CDKAL1: variants seen among roughly 807,000 people sequenced by gnomAD.
CDKAL1 encodes CDKAL1 threonylcarbamoyladenosine tRNA methylthiotransferase.
A neutral mutation model predicts 68.2 loss-of-function variants in CDKAL1; 32 were observed. The observed-to-expected ratio is 0.47, with a 90% CI of 0.35 to 0.63. The LOEUF (loss-of-function observed/expected upper bound fraction) is 0.63. CDKAL1 is among the 30% of genes least tolerant of loss of function. The probability of loss-of-function intolerance (pLI) is 0.00; values close to 1 mark genes in which losing one functional copy is unlikely to be tolerated. For missense variants in CDKAL1, 606 were observed against 696.7 expected, an observed-to-expected ratio of 0.87 and a Z score of 1.47; for synonymous variants, 234 against 244.3, an observed-to-expected ratio of 0.96 and a Z score of 0.39.
chr6:21,174,596 A>G (rs1777509482), intron 13 of CDKAL1, among the ~76,000 whole-genome samples: 1 of 152,214 alleles, frequency 6.6e-6, no homozygotes, highest in South Asian at 2.1e-4. Context: ...CAACAATTAA[A>G]AAATGTTATA....
intron 11 of CDKAL1, among the ~76,000 whole-genome samples, chr6:21,031,278 T>C (rs1473601508): frequency 1.3e-5 from 2 of 151,638 alleles, no homozygotes; most frequent in South Asian, 2.1e-4. Flanking sequence ...ACAACATGGG[T>C]GTCTGCTTTC....
chr6:20,607,362 T>A (rs943883282), intron 4 of CDKAL1, among the ~76,000 whole-genome samples: 2 of 152,240 alleles, frequency 1.3e-5, no homozygotes, highest in African/African-American at 4.8e-5. Context: ...ATATTTTAAT[T>A]AATTACACAT....
chr6:20,570,722 A>C (rs548710396), intron 4 of CDKAL1, among the ~76,000 whole-genome samples: 1 of 152,322 alleles, frequency 6.6e-6, no homozygotes. Flanking sequence ...TATCTGCTGC[A>C]AGTTAAAAGA....
chr6:20,779,813 G>A lies in CDKAL1; in HGVS notation c.518-1332G>A, dbSNP rs554025057. The stretch of plus-strand genomic sequence containing the variant: ...CTGGTTGGGCTGGTCTGCCTGCCTT[G>A]GCCTCCCAAAGTGCTGGGATTACAG... On this transcript the variant is annotated intron_variant, in intron 7 of 15. Coordinates refer to ENST00000274695, the MANE Select transcript of CDKAL1 (RefSeq NM_017774.3). Among the ~76,000 whole-genome samples, 82 of 152,200 alleles carry A rather than the reference G, an allele frequency of 5.4e-4. 1 individual carries two copies. In the Middle Eastern group the frequency reaches 0.017, roughly 32 times the overall value.
intron 9 of CDKAL1, among the ~76,000 whole-genome samples, chr6:20,877,516 C>T (rs1760582786): frequency 6.6e-6 from 1 of 152,210 alleles, no homozygotes; most frequent in South Asian, 2.1e-4. Context: ...GAGGTCACTG[C>T]CCTGGGGCTG....
At chr6:20,849,096 A>T (rs929742010) in intron 9 of CDKAL1, among the ~76,000 whole-genome samples, 3 of 151,034 alleles carry the variant, frequency 2.0e-5, no homozygotes, top group African/African-American at 7.4e-5. Flanking sequence ...GGAAAATTTT[A>T]AGTCCTCAAG....
chr6:21,056,084 T>C (rs1362209843), intron 11 of CDKAL1, among the ~76,000 whole-genome samples: 1 of 152,206 alleles, frequency 6.6e-6, no homozygotes, highest in African/African-American at 2.4e-5. Flanking sequence ...TGAGATGGTA[T>C]GTCATTGTGG....
chr6:21,029,829 A>G (rs145338915), intron 11 of CDKAL1, among the ~76,000 whole-genome samples: 1,535 of 152,294 alleles, frequency 0.01, 26 homozygotes, highest in African/African-American at 0.035. Flanking sequence ...TCAAGAAACA[A>G]TAGATGCTGG....
chr6:20,922,016 C>A (rs763897566), intron 9 of CDKAL1, among the ~76,000 whole-genome samples: 23 of 152,166 alleles, frequency 1.5e-4, no homozygotes, highest in Non-Finnish European at 3.1e-4. Context: ...CTCAGATGGT[C>A]CTGGGCTGTC....
At chr6:20,950,901 CG>C (rs2150717759) in intron 9 of CDKAL1, among the ~76,000 whole-genome samples, 2 of 149,948 alleles carry the variant, frequency 1.3e-5, no homozygotes, top group Middle Eastern at 3.4e-3. Context: ...ACCTCGGAGG[CG>C]GAGGTTACAG....
At chr6:21,099,525 A>G (rs1490377891) in intron 12 of CDKAL1, among the ~76,000 whole-genome samples, 1 of 152,224 alleles carries the variant, frequency 6.6e-6, no homozygotes, top group East Asian at 1.9e-4. Flanking sequence ...TATTTTGCCA[A>G]CCATTGATTT....
intron 5 of CDKAL1, among the ~76,000 whole-genome samples, chr6:20,737,655 A>G (rs1194229658): frequency 6.6e-6 from 1 of 152,240 alleles, no homozygotes; most frequent in Non-Finnish European, 1.5e-5. Flanking sequence ...AAAAGTATTT[A>G]TATGCAATGA....
chr6:21,045,512 T>G, intron 11 of CDKAL1, among the ~76,000 whole-genome samples: 1 of 152,202 alleles, frequency 6.6e-6, no homozygotes, highest in East Asian at 1.9e-4. Flanking sequence ...CTTTCCCTTA[T>G]TTAGAGGCAC....
intron 13 of CDKAL1, among the ~76,000 whole-genome samples, chr6:21,122,943 G>T (rs1049462690): frequency 6.6e-6 from 1 of 151,350 alleles, no homozygotes; most frequent in Non-Finnish European, 1.5e-5. Flanking sequence ...ACCTCTCCCA[G>T]CTGGATTTAA....
intron 9 of CDKAL1, among the ~76,000 whole-genome samples, chr6:20,869,638 A>G (rs554295539): frequency 2.0e-5 from 3 of 152,330 alleles, no homozygotes; most frequent in South Asian, 4.1e-4. Flanking sequence ...GAGGTTATAT[A>G]TTGTGTAAGG....
intron 5 of CDKAL1, among the ~76,000 whole-genome samples, chr6:20,706,697 C>G (rs1771610120): frequency 6.6e-6 from 1 of 152,150 alleles, no homozygotes; most frequent in Non-Finnish European, 1.5e-5. Flanking sequence ...CATAAATAAT[C>G]CAGGAGTACA....
chr6:21,096,160 C>G (rs1773302358), intron 12 of CDKAL1, among the ~76,000 whole-genome samples: 2 of 152,160 alleles, frequency 1.3e-5, no homozygotes, highest in Admixed American at 1.3e-4. Context: ...TGGCACAGAA[C>G]AATTTTCGAG....
intron 11 of CDKAL1, among the ~76,000 whole-genome samples, chr6:21,028,611 C>T (rs1582057253): frequency 6.6e-6 from 1 of 152,284 alleles, no homozygotes; most frequent in Middle Eastern, 3.4e-3. Flanking sequence ...GGGCTCCACC[C>T]TTAAGACCTC....
intron 15 of CDKAL1, among the ~76,000 whole-genome samples, chr6:21,217,780 G>A (rs1335073502): frequency 1.3e-5 from 2 of 152,198 alleles, no homozygotes; most frequent in African/African-American, 4.8e-5. Flanking sequence ...TTACAGGCGT[G>A]AGCCACCACA....
Sources: allele counts gnomAD v4.1 joint callset (sites outside exome capture counted in the v4.1 genomes callset), GRCh38; gene constraint gnomAD v4.1.1; transcripts MANE v1.5; gene names NCBI Gene and HGNC (gene_info 2026-07-23, HGNC 2026-07-21).